TBC1D8: variants seen among roughly 807,000 people sequenced by gnomAD.
TBC1D8 encodes the protein BUB2-like protein 1.
TBC1D8 carries 65 observed loss-of-function variants against 118.8 expected under a neutral mutation model. The ratio of observed to expected loss-of-function variants is 0.55; its 90% CI spans 0.45 to 0.67. The LOEUF is 0.67. Among genes scored for constraint, TBC1D8 ranks in the 30% least tolerant of loss-of-function variants. The pLI is 0.00. For missense variants in TBC1D8, 1,376 were observed against 1,471.2 expected (o/e 0.94, Z 1.06); for synonymous variants, 566 against 595.8 (o/e 0.95, Z 0.73).
In TBC1D8 at chr2:101,068,767, C is replaced by T. The variant is rs546721995; in HGVS notation, c.284-9228G>A. Reference sequence around the variant, plus strand: ...TAATCCCAGCACTTTGGGAGGCCAACGCAGGGAGATCACCTGAGGTCAGGA... The same window carrying T: ...TAATCCCAGCACTTTGGGAGGCCAATGCAGGGAGATCACCTGAGGTCAGGA... On this transcript the variant is annotated intron_variant, in intron 2 of 19. Transcript: ENST00000409318. 3.4e-4 allele frequency: 78 copies of T among 229,460 alleles called. 2 individuals carry two copies. The South Asian group carries it at 5.9e-3, about 17-fold the overall frequency. 14.2% of individuals were successfully genotyped at this position (229,460 alleles called of 1,614,324 possible). A position where few individuals can be genotyped will look rare whatever the true frequency, so the allele number is the denominator to read the frequency against.
At position 101,014,555 on chromosome 2, in the gene TBC1D8, C is replaced by A. The variant is rs147966404; in HGVS notation, c.2828-3015G>T. Reference sequence around the variant, plus strand: ...ATGACTGTTTTTTCCCTGAGGGAGGCTCTTAATCCTGGCTGGATTCATCAT... The same window carrying A: ...ATGACTGTTTTTTCCCTGAGGGAGGATCTTAATCCTGGCTGGATTCATCAT... On this transcript the variant is annotated intron_variant, in intron 17 of 19. Coordinates refer to ENST00000409318, the MANE Select transcript of TBC1D8 (RefSeq NM_001330348.2). Among the ~76,000 whole-genome samples the A allele has an allele frequency of 5.2e-3, 799 of 152,314 alleles. 6 individuals are homozygous for A. Among genetic ancestry groups the A allele is most frequent in the Non-Finnish European group, 9.7e-3 (660 of 68,032 alleles).
intron 1 of TBC1D8, among the ~76,000 whole-genome samples, chr2:101,143,828 T>C (rs12611526): frequency 0.15 from 22,399 of 152,276 alleles, 2,033 homozygotes; most frequent in East Asian, 0.27. Flanking sequence ...CCCAAAGTGC[T>C]AGGACTACAG....
At position 101,091,918 on chromosome 2, in the gene TBC1D8, A is replaced by C. The variant is rs139425628; in HGVS notation, c.128-1554T>G. Among the ~76,000 whole-genome samples the C allele has an allele frequency of 9.1e-4, 139 of 152,360 alleles. 1 individual carries two copies. Among genetic ancestry groups the C allele is most frequent in the African/African-American group, 3.3e-3 (136 of 41,582 alleles). ...CACCTCAAGTGTAAAGAAAAACTGA[A>C]TCACTGGGGGCAAGTTACTTACATA... On this transcript the variant is annotated intron_variant, in intron 1 of 19. Coordinates refer to ENST00000409318, the MANE Select transcript of TBC1D8 (RefSeq NM_001330348.2).
At chr2:101,080,670 G>C (rs761100516) in intron 2 of TBC1D8, among the ~76,000 whole-genome samples, 4 of 152,076 alleles carry the variant, frequency 2.6e-5, no homozygotes, top group Non-Finnish European at 4.4e-5. Flanking sequence ...CTTGCTCCTT[G>C]CCTCTCCAGA....
At chr2:101,011,323 T>G in intron 18 of TBC1D8, 128 bp downstream of exon 18, 4 of 993,816 alleles carry the variant, frequency 4.0e-6, no homozygotes, top group Non-Finnish European at 6.1e-6. Context: ...GGCAGTGAGT[T>G]TGGGGATAAT....
At chr2:101,110,964 G>A (rs1431120684) in intron 1 of TBC1D8, among the ~76,000 whole-genome samples, 6 of 135,134 alleles carry the variant, frequency 4.4e-5, no homozygotes, top group African/African-American at 8.3e-5. Context: ...TGGGCAACAA[G>A]GGCAAAACTC....
intron 2 of TBC1D8, among the ~76,000 whole-genome samples, chr2:101,083,628 A>G (rs537300794): frequency 6.6e-6 from 1 of 152,190 alleles, no homozygotes; most frequent in Admixed American, 6.5e-5. Flanking sequence ...ACTTAGAAAA[A>G]AAGGAAAAAA....
intron 10 of TBC1D8, 198 bp from the exon 11 acceptor site, chr2:101,032,583 C>T (rs995016153): frequency 3.3e-5 from 17 of 517,800 alleles, no homozygotes; most frequent in African/African-American, 2.3e-4. Context: ...CCCAGCTGAG[C>T]GATCGGCCAC....
chr2:101,114,685 G>C (rs1421533699), intron 1 of TBC1D8, among the ~76,000 whole-genome samples: 1 of 152,218 alleles, frequency 6.6e-6, no homozygotes, highest in Non-Finnish European at 1.5e-5. Context: ...ACTAAACAGA[G>C]TTTCTTTTTG....
intron 2 of TBC1D8, among the ~76,000 whole-genome samples, chr2:101,080,987 G>A (rs1008761236): frequency 1.3e-5 from 2 of 151,896 alleles, no homozygotes; most frequent in African/African-American, 4.8e-5. Context: ...TGTTGCCCAG[G>A]CTGGTCTTGA....
chr2:101,133,995 G>A (rs1049395292), intron 1 of TBC1D8, among the ~76,000 whole-genome samples: 4 of 152,128 alleles, frequency 2.6e-5, no homozygotes, highest in African/African-American at 9.7e-5. Flanking sequence ...AGAACAGCAT[G>A]GAGGAAAACC....
intron 10 of TBC1D8, 179 bp downstream of exon 10, chr2:101,033,359 GATTATA>G: frequency 1.4e-6 from 1 of 729,492 alleles, no homozygotes; most frequent in Non-Finnish European, 2.4e-6. Flanking sequence ...ATGATCCGTT[GATTATA>G]AGATGAGTAG....
At chr2:101,077,310 T>C (rs999553617) in intron 2 of TBC1D8, among the ~76,000 whole-genome samples, 1 of 143,856 alleles carries the variant, frequency 7.0e-6, no homozygotes, top group Admixed American at 7.1e-5. Flanking sequence ...TGCAGTGGCA[T>C]GATCTCGGCT....
chr2:101,007,691 G>T lies in TBC1D8; in HGVS notation c.*130C>A. ...GTGTCGGTTCCCCTGGCCACAGTTTGTCAGGTTGTTTAGCCAGATGCCCCA... is the reference window on the plus strand; with the variant it reads ...GTGTCGGTTCCCCTGGCCACAGTTTTTCAGGTTGTTTAGCCAGATGCCCCA... On this transcript the variant is annotated 3_prime_UTR_variant, in exon 20 of 20. Transcript: ENST00000409318. 1 of 928,278 alleles carries T rather than the reference G, an allele frequency of 1.1e-6. No homozygotes were observed. Among genetic ancestry groups the T allele is most frequent in the Non-Finnish European group, 1.6e-6 (1 of 609,732 alleles). The allele number at this position is 928,278 out of a possible 1,614,324, so 57.5% of individuals were successfully genotyped here. A position where few individuals can be genotyped will look rare whatever the true frequency, so the allele number is the denominator to read the frequency against.
Position 101,090,314 on chromosome 2 carries a change from C to A in TBC1D8, c.178G>T (p.Ala60Ser). The A allele has an allele frequency of 6.2e-7, 1 of 1,613,964 alleles. No homozygotes were observed. The highest frequency in any genetic ancestry group is 1.7e-5 in the Admixed American group (1 of 60,026). ...ACTTGAAGCAGAATTCGAAATGGAGCGACCCGTGCATTGGAATCCAACACT... is the reference window on the plus strand; with the variant it reads ...ACTTGAAGCAGAATTCGAAATGGAGAGACCCGTGCATTGGAATCCAACACT... ...DAVLDSNARV[A>S]PFRILLQVPG... Residue 60 changes from alanine (A) to serine (S), a missense_variant, in exon 2 of 20, where the codon GCT becomes TCT. Coordinates refer to ENST00000409318, the MANE Select transcript of TBC1D8 (RefSeq NM_001330348.2).
Position 101,050,394 on chromosome 2 carries a change from C to T in TBC1D8, c.872+7G>A, listed in dbSNP as rs201096391. The T allele has an allele frequency of 9.9e-6, 16 of 1,612,036 alleles. No homozygotes were observed. In the East Asian group the frequency reaches 3.6e-4, roughly 36 times the overall value. Reference sequence around the variant, plus strand: ...GGTGGGAGACACTCTAGAACAGTCACTTTCACCTCTTGGTGATCTGGCTCG... The same window carrying T: ...GGTGGGAGACACTCTAGAACAGTCATTTTCACCTCTTGGTGATCTGGCTCG... On this transcript the variant is annotated splice_region_variant and intron_variant, in intron 5 of 19. Transcript: ENST00000409318.
intron 2 of TBC1D8, among the ~76,000 whole-genome samples, chr2:101,064,173 G>A (rs1216671713): frequency 1.3e-5 from 2 of 152,102 alleles, no homozygotes; most frequent in African/African-American, 2.4e-5. Context: ...GGAGGTATAC[G>A]GTTAAATAAG....
intron 11 of TBC1D8, among the ~76,000 whole-genome samples, chr2:101,030,630 A>G (rs1680615560): frequency 6.6e-6 from 1 of 152,224 alleles, no homozygotes; most frequent in South Asian, 2.1e-4. Flanking sequence ...CATCTAACCT[A>G]TGACCCCACA....
chr2:101,081,619 A>C (rs149891136), intron 2 of TBC1D8, among the ~76,000 whole-genome samples: 157 of 152,334 alleles, frequency 1.0e-3, no homozygotes, highest in African/African-American at 3.4e-3. Context: ...TGGCTGCCTC[A>C]AAGTAAGGCA....
Sources: allele counts gnomAD v4.1 joint callset (sites outside exome capture counted in the v4.1 genomes callset), GRCh38; gene constraint gnomAD v4.1.1; transcripts MANE v1.5; gene names NCBI Gene and HGNC (gene_info 2026-07-23, HGNC 2026-07-21).